Variants in ZNF280D observed in about 807,000 individuals in gnomAD.
ZNF280D encodes suppressor of hairy wing homolog 4.
ZNF280D carries 39 observed loss-of-function variants against 94.7 expected under a neutral mutation model. The ratio of observed to expected loss-of-function variants is 0.41; its 90% CI spans 0.32 to 0.54. The LOEUF is 0.54. Ranked by LOEUF, ZNF280D falls within the 20% of genes least tolerant of loss-of-function variation. The pLI is 0.22. For missense variants in ZNF280D, 1,090 were observed against 1,149.3 expected, an observed-to-expected ratio of 0.95 and a Z score of 0.75; for synonymous variants, 398 against 377.6, an observed-to-expected ratio of 1.05 and a Z score of -0.63.
chr15:56,723,235 A>ATAAAT (rs1555429034), intron 1 of ZNF280D, among the ~76,000 whole-genome samples: 1 of 150,692 alleles, frequency 6.6e-6, no homozygotes, highest in African/African-American at 2.4e-5. Context: ...TAATAATAAA[A>ATAAAT]AAATAAATAA....
chr15:56,675,865 A>C (rs2055197071), intron 13 of ZNF280D, among the ~76,000 whole-genome samples: 1 of 152,062 alleles, frequency 6.6e-6, no homozygotes, highest in Non-Finnish European at 1.5e-5. Flanking sequence ...ACATGATCAG[A>C]TTCGGTAAAT....
rs373312834 is a variant in ZNF280D, at chr15:56,677,637, T to C, written c.1200A>G (p.Glu400=). 1.1e-5 allele frequency: 17 copies of C among 1,605,792 alleles called. No individual in the cohort carries two copies. Among genetic ancestry groups the C allele is most frequent in the Non-Finnish European group, 1.4e-5 (17 of 1,176,160 alleles). ...CCTTCATATGTTGTAAAAGAACATGTTCTGTTTCAAATGACAATTCACAGA... is the reference window on the plus strand; with the variant it reads ...CCTTCATATGTTGTAAAAGAACATGCTCTGTTTCAAATGACAATTCACAGA... The part of the protein sequence containing the change: ...CKICELSFET[E]HVLLQHMKDN... Residue 400 remains glutamate (E), a synonymous_variant, in exon 12 of 22, where the codon GAA becomes GAG. Coordinates refer to ENST00000267807, the MANE Select transcript of ZNF280D (RefSeq NM_017661.4).
At chr15:56,696,983 T>C (rs886279765) in intron 6 of ZNF280D, among the ~76,000 whole-genome samples, 3 of 152,234 alleles carry the variant, frequency 2.0e-5, no homozygotes, top group Non-Finnish European at 2.9e-5. Context: ...CTTTTATTTT[T>C]TTTCCCCATC....
At chr15:56,645,984 A>G (rs766844504) in intron 19 of ZNF280D, among the ~76,000 whole-genome samples, 2 of 152,220 alleles carry the variant, frequency 1.3e-5, no homozygotes, top group African/African-American at 2.4e-5. Flanking sequence ...CAGCTAGGCC[A>G]CATTCTTTCT....
At chr15:56,640,632 A>G (rs1381992154) in intron 20 of ZNF280D, among the ~76,000 whole-genome samples, 1 of 152,152 alleles carries the variant, frequency 6.6e-6, no homozygotes, top group Non-Finnish European at 1.5e-5. Flanking sequence ...TTTGTTTTCA[A>G]ATGAGCAAAC....
rs759580314 is a variant in ZNF280D at position 56,727,363 on chromosome 15, G to A, written c.-86+6095C>T. ...AGTTCCAGCTACTCGGGAGGCTGAGGCAGGAGAATCACTTGAACCCGGGAA... is the reference window on the plus strand; with the variant it reads ...AGTTCCAGCTACTCGGGAGGCTGAGACAGGAGAATCACTTGAACCCGGGAA... On this transcript the variant is annotated intron_variant, in intron 1 of 21. Transcript: ENST00000267807. 3.3e-5 allele frequency among the ~76,000 whole-genome samples: 5 copies of A among 152,218 alleles called. No homozygotes were observed. The South Asian group carries it at 6.2e-4, about 19-fold the overall frequency.
chr15:56,727,199 G>A (rs1248604295), intron 1 of ZNF280D, among the ~76,000 whole-genome samples: 2 of 149,466 alleles, frequency 1.3e-5, no homozygotes, highest in Non-Finnish European at 3.0e-5. Context: ...GCTGGGCGTG[G>A]TGGCTCATGC....
At chr15:56,683,564 T>C (rs1401376066) in intron 9 of ZNF280D, among the ~76,000 whole-genome samples, 1 of 152,208 alleles carries the variant, frequency 6.6e-6, no homozygotes, top group Non-Finnish European at 1.5e-5. Context: ...TACTATAGTT[T>C]GACAAATATC....
At chr15:56,707,045 C>T in intron 3 of ZNF280D, 37 bp downstream of exon 3, 1 of 1,602,088 alleles carries the variant, frequency 6.2e-7, no homozygotes, top group South Asian at 1.1e-5. Flanking sequence ...ATACAAAAGC[C>T]ACATATATTA....
intron 19 of ZNF280D, chr15:56,653,974 T>G (rs1164250168): frequency 1.4e-6 from 2 of 1,406,762 alleles, no homozygotes; most frequent in African/African-American, 1.5e-5. Flanking sequence ...TGCCTTTGTG[T>G]AAGAAAACAT....
intron 10 of ZNF280D, 42 bp downstream of exon 10, chr15:56,682,212 C>T: frequency 7.5e-7 from 1 of 1,334,172 alleles, no homozygotes. Flanking sequence ...TTATTTGCAG[C>T]ATTTCAATTT....
chr15:56,692,279 T>A (rs1596522036), intron 7 of ZNF280D, among the ~76,000 whole-genome samples: 1 of 152,162 alleles, frequency 6.6e-6, no homozygotes. Context: ...CAGTTTAAGT[T>A]TATAATAAAA....
chr15:56,659,340 C>A (rs1040997151), intron 16 of ZNF280D, among the ~76,000 whole-genome samples: 4 of 152,000 alleles, frequency 2.6e-5, no homozygotes, highest in Non-Finnish European at 1.5e-5. Context: ...CAGTATTAGA[C>A]CAAAAGTGTA....
At chr15:56,644,103 G>T (rs1351751586) in intron 19 of ZNF280D, among the ~76,000 whole-genome samples, 2 of 151,908 alleles carry the variant, frequency 1.3e-5, no homozygotes, top group Non-Finnish European at 2.9e-5. Context: ...TAGCTATTAG[G>T]CAAAACTGCT....
intron 19 of ZNF280D, among the ~76,000 whole-genome samples, chr15:56,643,905 G>A (rs2052752452): frequency 6.6e-6 from 1 of 151,618 alleles, no homozygotes; most frequent in African/African-American, 2.4e-5. Context: ...CAAAAAAAAA[G>A]ATATCTAATA....
chr15:56,708,011 C>A (rs1044429518), intron 1 of ZNF280D, among the ~76,000 whole-genome samples: 1 of 151,548 alleles, frequency 6.6e-6, no homozygotes, highest in Admixed American at 6.6e-5. Context: ...TCCATGCACA[C>A]GCAATAGCAT....
At chr15:56,694,066 AG>A (rs2056583516) in intron 6 of ZNF280D, among the ~76,000 whole-genome samples, 1 of 152,118 alleles carries the variant, frequency 6.6e-6, no homozygotes, top group African/African-American at 2.4e-5. Flanking sequence ...CGGGACTCAA[AG>A]GAAGTTTTAG....
At chr15:56,658,618 C>G in intron 16 of ZNF280D, 132 bp from the exon 17 acceptor site, 1 of 580,268 alleles carries the variant, frequency 1.7e-6, no homozygotes, top group Non-Finnish European at 2.9e-6. Context: ...AAAATAATGC[C>G]TGTCACTTCC....
At chr15:56,705,559 A>G (rs1333055922) in intron 3 of ZNF280D, among the ~76,000 whole-genome samples, 1 of 152,228 alleles carries the variant, frequency 6.6e-6, no homozygotes, top group Non-Finnish European at 1.5e-5. Flanking sequence ...TAATACAAGT[A>G]TTACATAGAT....
Sources: gnomAD v4.1 joint callset for allele counts (sites outside exome capture counted in the v4.1 genomes callset) on GRCh38, gnomAD v4.1.1 for gene constraint, MANE v1.5 for transcripts, NCBI Gene and HGNC (gene_info 2026-07-23, HGNC 2026-07-21) for gene names.